Variants in KPNA1 observed in about 807,000 individuals in gnomAD.
KPNA1 encodes importin subunit alpha-5.
In KPNA1, 10 loss-of-function variants were observed where a neutral mutation model predicts 70.5. The observed-to-expected ratio is 0.14, with a 90% CI of 0.09 to 0.24. The LOEUF is 0.24. Ranked by LOEUF, KPNA1 falls within the 10% of genes least tolerant of loss-of-function variation. The probability of loss-of-function intolerance (pLI) is 1.00; values close to 1 mark genes in which losing one functional copy is unlikely to be tolerated. For synonymous variants in KPNA1, 192 were observed against 221.9 expected, an observed-to-expected ratio of 0.87 and a Z score of 1.20; for missense variants, 397 against 637.9, an observed-to-expected ratio of 0.62 and a Z score of 4.07.
chr3:122,496,800 T>C (rs1033234299), intron 1 of KPNA1, among the ~76,000 whole-genome samples: 2 of 152,056 alleles, frequency 1.3e-5, no homozygotes, highest in African/African-American at 2.4e-5. Context: ...AATTCCTGGG[T>C]TCAAGCAATC....
intron 10 of KPNA1, 105 bp downstream of exon 10, chr3:122,441,933 C>T: frequency 2.2e-6 from 2 of 901,788 alleles, no homozygotes; most frequent in Non-Finnish European, 3.6e-6. Flanking sequence ...AACAGAGTAT[C>T]AAGTTTCCCT....
At chr3:122,486,101 C>T (rs1052572890) in intron 2 of KPNA1, among the ~76,000 whole-genome samples, 1 of 152,128 alleles carries the variant, frequency 6.6e-6, no homozygotes, top group Non-Finnish European at 1.5e-5. Flanking sequence ...AGCTATACAA[C>T]CCAGCCATAT....
chr3:122,513,690 A>G (rs2076981750), intron 1 of KPNA1, among the ~76,000 whole-genome samples: 1 of 152,118 alleles, frequency 6.6e-6, no homozygotes, highest in Admixed American at 6.5e-5. Context: ...ATCTACTAAT[A>G]GAGATTTTTA....
intron 2 of KPNA1, among the ~76,000 whole-genome samples, chr3:122,477,974 C>T (rs2076522527): frequency 6.6e-6 from 1 of 151,104 alleles, no homozygotes; most frequent in Non-Finnish European, 1.5e-5. Flanking sequence ...CCATCCTGGC[C>T]AACATGGTGA....
At chr3:122,459,712 C>G in intron 5 of KPNA1, 1 of 985,454 alleles carries the variant, frequency 1.0e-6, no homozygotes, top group Non-Finnish European at 1.2e-6. Context: ...TTCAAATGAG[C>G]ATGGGAACTG....
chr3:122,479,849 C>A (rs371456529), intron 2 of KPNA1, among the ~76,000 whole-genome samples: 3 of 152,120 alleles, frequency 2.0e-5, no homozygotes, highest in Admixed American at 6.5e-5. Context: ...TATATCTATA[C>A]AAAATCCTTC....
At chr3:122,480,125 A>T (rs2076553655) in intron 2 of KPNA1, among the ~76,000 whole-genome samples, 1 of 152,198 alleles carries the variant, frequency 6.6e-6, no homozygotes, top group Admixed American at 6.5e-5. Context: ...AAAACTATGG[A>T]GACAGTAAAA....
rs1336550136 is a variant in KPNA1, at chr3:122,449,683, C to T, written c.808G>A (p.Val270Ile). ...AGGGCCCAGCAGGCATCAGCCAGTA[C>T]ATCAGTGTCACTGACAAACAGCAAC... Reference protein sequence around the residue: ...SWLLFVSDTDVLADACWALSY... With the variant: ...SWLLFVSDTDILADACWALSY... Residue 270 changes from valine to isoleucine, a missense_variant, in exon 9 of 14, where the codon GTA becomes ATA. Coordinates refer to ENST00000344337, the MANE Select transcript of KPNA1 (RefSeq NM_002264.4). 3.7e-6 allele frequency: 6 copies of T among 1,613,620 alleles called. No individual in the cohort carries two copies. Among genetic ancestry groups the T allele is most frequent in the Non-Finnish European group, 4.2e-6 (5 of 1,179,820 alleles).
intron 1 of KPNA1, among the ~76,000 whole-genome samples, chr3:122,513,857 G>C (rs1458950923): frequency 1.3e-5 from 2 of 152,306 alleles, no homozygotes; most frequent in East Asian, 1.9e-4. Context: ...TTGAGCTCAG[G>C]AGTTGGAGTA....
At chr3:122,440,933 A>G (rs2076054337) in intron 10 of KPNA1, among the ~76,000 whole-genome samples, 1 of 152,234 alleles carries the variant, frequency 6.6e-6, no homozygotes, top group South Asian at 2.1e-4. Flanking sequence ...TAAATACATT[A>G]CAGTTAGAAG....
chr3:122,469,584 C>T (rs2076418901), intron 2 of KPNA1, among the ~76,000 whole-genome samples: 1 of 152,174 alleles, frequency 6.6e-6, no homozygotes, highest in Non-Finnish European at 1.5e-5. Context: ...AATAAAAACT[C>T]TCTTCCTCCC....
chr3:122,424,646 T>G lies in KPNA1; in HGVS notation c.*2339A>C, dbSNP rs1024501359. 1 of 152,684 alleles carries G rather than the reference T, an allele frequency of 6.5e-6. No individual in the cohort carries two copies. Among genetic ancestry groups the G allele is most frequent in the Non-Finnish European group, 1.5e-5 (1 of 68,046 alleles). 9.5% of individuals were successfully genotyped at this position (152,684 alleles called of 1,614,324 possible). A position where few individuals can be genotyped will look rare whatever the true frequency, so the allele number is the denominator to read the frequency against. On this transcript the variant is annotated 3_prime_UTR_variant, in exon 14 of 14. Transcript: ENST00000344337. ...CTAGCAAAAATTCCGAATGTCTGAA[T>G]GCACACTACTCTTCCTAATGTGGGG...
At chr3:122,460,542 C>G in intron 5 of KPNA1, 1 of 201,534 alleles carries the variant, frequency 5.0e-6, no homozygotes, top group Non-Finnish European at 8.8e-6. Flanking sequence ...GAGGCTGAGG[C>G]AGGAGAATCA....
intron 2 of KPNA1, among the ~76,000 whole-genome samples, chr3:122,494,370 A>G (rs2076733551): frequency 6.6e-6 from 1 of 152,174 alleles, no homozygotes; most frequent in South Asian, 2.1e-4. Context: ...TTTTCCCAGC[A>G]CTATTCATTG....
At chr3:122,430,156 T>G (rs2075881672) in intron 12 of KPNA1, among the ~76,000 whole-genome samples, 1 of 152,056 alleles carries the variant, frequency 6.6e-6, no homozygotes, top group South Asian at 2.1e-4. Context: ...TGGTAGGAGA[T>G]GCTCATAACT....
chr3:122,490,926 C>A (rs1399567962), intron 2 of KPNA1, among the ~76,000 whole-genome samples: 2 of 151,998 alleles, frequency 1.3e-5, no homozygotes, highest in African/African-American at 4.8e-5. Flanking sequence ...TATTCATATA[C>A]AAATGTATAT....
chr3:122,477,363 G>A (rs1277618598), intron 2 of KPNA1, among the ~76,000 whole-genome samples: 1 of 152,130 alleles, frequency 6.6e-6, no homozygotes, highest in Non-Finnish European at 1.5e-5. Context: ...ACAACATGGT[G>A]ACTATAGTTC....
At chr3:122,503,577 C>G (rs2076854814) in intron 1 of KPNA1, among the ~76,000 whole-genome samples, 2 of 152,150 alleles carry the variant, frequency 1.3e-5, no homozygotes, top group Admixed American at 1.3e-4. Context: ...GAGCCTGTTT[C>G]CTCATCTGTA....
intron 12 of KPNA1, among the ~76,000 whole-genome samples, chr3:122,431,844 C>G (rs1196336913): frequency 3.3e-5 from 5 of 151,330 alleles, no homozygotes; most frequent in African/African-American, 9.7e-5. Flanking sequence ...CACTCTGTCA[C>G]CCAGGCTGGA....
Sources: gnomAD v4.1 joint callset for allele counts (sites outside exome capture counted in the v4.1 genomes callset) on GRCh38, gnomAD v4.1.1 for gene constraint, MANE v1.5 for transcripts, NCBI Gene and HGNC (gene_info 2026-07-23, HGNC 2026-07-21) for gene names.